HK2: variants seen among roughly 807,000 people sequenced by gnomAD.
The protein encoded by HK2 is hexokinase 2.
HK2 carries 42 observed loss-of-function variants against 92.9 expected under a neutral mutation model. The ratio of observed to expected loss-of-function variants is 0.45; its 90% confidence interval spans 0.35 to 0.58. HK2 has a LOEUF of 0.58. Ranked by LOEUF, HK2 falls within the 20% of genes least tolerant of loss-of-function variation. The pLI is 0.00. For synonymous variants in HK2, 422 were observed against 468.0 expected, an observed-to-expected ratio of 0.90 and a Z score of 1.27; for missense variants, 978 against 1,245.1, an observed-to-expected ratio of 0.79 and a Z score of 3.23.
chr2:74,886,040 AAG>A (rs1689525139), intron 13 of HK2, among the ~76,000 whole-genome samples: 3 of 151,984 alleles, frequency 2.0e-5, no homozygotes, highest in African/African-American at 7.2e-5. Flanking sequence ...AAAAAAAAAA[AAG>A]AAAGAAAAGG....
At chr2:74,873,248 C>G in intron 4 of HK2, 28 bp from the exon 5 acceptor site, 2 of 1,537,098 alleles carry the variant, frequency 1.3e-6, no homozygotes, top group Non-Finnish European at 1.8e-6. Flanking sequence ...AGTGGGAAAT[C>G]AATATTCACT....
At chr2:74,878,441 G>A (rs573871476) in intron 8 of HK2, among the ~76,000 whole-genome samples, 6,847 of 150,712 alleles carry the variant, frequency 0.045, 322 homozygotes, top group African/African-American at 0.12. Context: ...GTGTGTGTGC[G>A]CACGCACATG....
intron 2 of HK2, among the ~76,000 whole-genome samples, chr2:74,857,399 T>TA (rs1688719581): frequency 1.3e-5 from 2 of 152,234 alleles, no homozygotes. Context: ...AAGTGGGACA[T>TA]ATGTATATAT....
rs1688084988 is a variant in HK2, at chr2:74,834,139, G to T, written c.-442G>T. 6.0e-6 allele frequency: 2 copies of T among 333,828 alleles called. No homozygotes were observed. The highest frequency in any genetic ancestry group is 2.4e-5 in the South Asian group (1 of 41,948). The allele number at this position is 333,828 out of a possible 1,614,324, so 20.7% of individuals were successfully genotyped here. On this transcript the variant is annotated 5_prime_UTR_variant, in exon 1 of 18. It removes an upstream start codon present in the reference 5' UTR. Coordinates refer to ENST00000290573, the MANE Select transcript of HK2 (RefSeq NM_000189.5). The surrounding 1 kb of genome is among the most constrained non-coding windows in gnomAD (Gnocchi z 4.2). ...CCCTCAATAAGCCACATTGTTGCAT[G>T]AAACTCCGGCGCAGGAGTCCCGGGC...
intron 2 of HK2, among the ~76,000 whole-genome samples, chr2:74,860,747 C>G (rs116730986): frequency 1.3e-5 from 2 of 152,212 alleles, no homozygotes; most frequent in African/African-American, 4.8e-5. Context: ...CTTGTATAAA[C>G]AACTAGGAGT....
chr2:74,889,532 T>A, intron 17 of HK2, 54 bp downstream of exon 17: 1 of 1,193,076 alleles, frequency 8.4e-7, no homozygotes, highest in Non-Finnish European at 1.2e-6. Context: ...CTTTGTTCTT[T>A]CCCTTTTCTT....
chr2:74,888,978 T>A (rs1421334954), intron 16 of HK2, among the ~76,000 whole-genome samples: 1 of 152,206 alleles, frequency 6.6e-6, no homozygotes. Flanking sequence ...GTTTTGAGTA[T>A]CTACTTTGTA....
At chr2:74,869,663 G>A (rs538259773) in intron 3 of HK2, among the ~76,000 whole-genome samples, 24 of 152,150 alleles carry the variant, frequency 1.6e-4, no homozygotes, top group Non-Finnish European at 3.2e-4. Flanking sequence ...GACCAGTAAG[G>A]AAAAGGAAAC....
At chr2:74,849,236 T>C (rs1688512925) in intron 1 of HK2, among the ~76,000 whole-genome samples, 1 of 152,178 alleles carries the variant, frequency 6.6e-6, no homozygotes, top group Non-Finnish European at 1.5e-5. Context: ...TGGGGTTAAT[T>C]TGTCTTTAGG....
At chr2:74,876,677 C>A (rs895353018) in intron 7 of HK2, among the ~76,000 whole-genome samples, 12 of 152,168 alleles carry the variant, frequency 7.9e-5, no homozygotes, top group African/African-American at 2.9e-4. Flanking sequence ...AGGTGGTTTT[C>A]ACACCATTTT....
At chr2:74,859,585 C>A (rs190632762) in intron 2 of HK2, among the ~76,000 whole-genome samples, 106 of 152,200 alleles carry the variant, frequency 7.0e-4, no homozygotes, top group Non-Finnish European at 1.1e-3. Context: ...ATGGTGTGAA[C>A]CCGGGAGGCA....
At chr2:74,839,885 C>T (rs1017592504) in intron 1 of HK2, among the ~76,000 whole-genome samples, 2 of 150,896 alleles carry the variant, frequency 1.3e-5, no homozygotes, top group African/African-American at 4.9e-5. Flanking sequence ...ATCTCTTGAC[C>T]TCGTGATCTG....
At chr2:74,868,945 C>G (rs998000686) in intron 3 of HK2, among the ~76,000 whole-genome samples, 1 of 152,090 alleles carries the variant, frequency 6.6e-6, no homozygotes, top group African/African-American at 2.4e-5. Context: ...TAGAGCCTGG[C>G]AAGGACAATG....
chr2:74,846,180 A>G (rs1346335999), intron 1 of HK2, among the ~76,000 whole-genome samples: 2 of 152,256 alleles, frequency 1.3e-5, no homozygotes, highest in Non-Finnish European at 2.9e-5. Flanking sequence ...GTGTCAGCAC[A>G]GAGTCACTGG....
chr2:74,881,769 C>G lies in HK2; in HGVS notation c.1629C>G (p.Val543=). 6.2e-7 allele frequency: 1 copy of G among 1,614,154 alleles called. No individual in the cohort carries two copies. The change falls in exon 11 of 18, where the codon GTC becomes GTG. Residue 543 remains valine, a synonymous_variant. Transcript: ENST00000290573. ...LGGTNFRVLL[V]RVRNGKWGGV... ...GAACAAATTTCCGGGTCCTGCTGGT[C>G]CGTGTTCGGAATGGGAAGTGGGGTG...
intron 15 of HK2, among the ~76,000 whole-genome samples, chr2:74,887,006 T>C (rs750196154): frequency 2.0e-5 from 3 of 152,144 alleles, no homozygotes; most frequent in Non-Finnish European, 4.4e-5. Context: ...GAGCAAATCC[T>C]CTCCCTCCTC....
chr2:74,869,120 TAA>T (rs750715342), intron 3 of HK2, among the ~76,000 whole-genome samples: 2 of 144,646 alleles, frequency 1.4e-5, no homozygotes, highest in Non-Finnish European at 1.5e-5. Context: ...TAGTCCGGAT[TAA>T]AAAAAAAAAC....
chr2:74,881,936 C>G lies in HK2; in HGVS notation c.1719+77C>G, dbSNP rs17847165. 1.7e-5 allele frequency: 26 copies of G among 1,546,262 alleles called. No homozygotes were observed. The East Asian group carries it at 5.7e-4, about 34-fold the overall frequency. ...GCCTTCGAGGACAGTGCTTTCTCTG[C>G]TCATCTGTGACCCTGGGGAGGGCTA... is the stretch of plus-strand genomic sequence containing the variant. On this transcript the variant is annotated intron_variant, in intron 11 of 17. Transcript: ENST00000290573.
At chr2:74,839,817 C>G (rs998095841) in intron 1 of HK2, among the ~76,000 whole-genome samples, 1 of 142,810 alleles carries the variant, frequency 7.0e-6, no homozygotes, top group East Asian at 2.0e-4. Flanking sequence ...ACCACCATGC[C>G]CAGCTAATTT....
Sources: gnomAD v4.1 joint callset for allele counts (sites outside exome capture counted in the v4.1 genomes callset) on GRCh38, gnomAD v4.1.1 for gene constraint, Gnocchi (gnomAD v3.1) non-coding constraint, MANE v1.5 for transcripts, NCBI Gene and HGNC (gene_info 2026-07-23, HGNC 2026-07-21) for gene names.